Variants in LEMD2 observed in about 807,000 individuals in gnomAD.
The protein encoded by LEMD2 is LEM domain nuclear envelope protein 2, also known as LEM domain-containing protein 2.
In LEMD2, 34 loss-of-function variants were observed where a neutral mutation model predicts 58.8. The observed-to-expected ratio is 0.58, with a 90% CI of 0.44 to 0.77. The LOEUF (loss-of-function observed/expected upper bound fraction) is 0.77, where lower values mean the gene tolerates loss of function less well. LEMD2 is among the 30% of genes least tolerant of loss of function. The probability of loss-of-function intolerance (pLI) is 0.00; values close to 1 mark genes in which losing one functional copy is unlikely to be tolerated. For synonymous variants in LEMD2, 298 were observed against 308.9 expected (o/e 0.96, Z 0.37); for missense variants, 629 against 717.9 (o/e 0.88, Z 1.42).
rs1216150859 is a variant in LEMD2 at position 33,772,738 on chromosome 6, G to A, written c.1402C>T (p.Leu468=). The A allele has an allele frequency of 5.0e-6, 8 of 1,613,978 alleles. No individual in the cohort carries two copies. The African/African-American group carries it at 6.7e-5, about 13-fold the overall frequency. The part of the protein sequence containing the change: ...KRVWDRAVEF[L]ASNESRIQTE... ...TGGATCCGGGATTCGTTGGAGGCCA[G>A]GAACTCCACAGCTCGGTCCCAGACA... The change falls in exon 9 of 9, where the codon CTG becomes TTG. Residue 468 remains leucine (L), a synonymous_variant. Transcript: ENST00000293760.
At position 33,788,620 on chromosome 6, in the gene LEMD2, G is replaced by A. The variant is rs532682101; in HGVS notation, c.497C>T (p.Ser166Phe). 1.6e-6 allele frequency: 2 copies of A among 1,274,508 alleles called. No individual in the cohort carries two copies. The highest frequency in any genetic ancestry group is 2.8e-5 in the South Asian group (1 of 36,318). 78.9% of individuals were successfully genotyped at this position (1,274,508 alleles called of 1,614,324 possible). ...GLAARRWWAA[S>F]PAPARLPSSL... is the part of the protein sequence containing the mutation. ...GGAAGGCAGCCGCGCCGGGGCGGGA[G>A]ACGCTGCCCACCAGCGGCGGGCCGC... Residue 166 changes from serine to phenylalanine, a missense_variant, in exon 1 of 9, where the codon TCT (serine) becomes TTT (phenylalanine). Ser to Phe is a radical substitution (Grantham distance 155, BLOSUM62 -2). Transcript: ENST00000293760.
At chr6:33,776,909 G>T (rs377523325) in intron 8 of LEMD2, 45 bp downstream of exon 8, 3 of 1,483,792 alleles carry the variant, frequency 2.0e-6, no homozygotes, top group East Asian at 2.3e-5. Flanking sequence ...CAGTGGGGTC[G>T]GACCCCATCT....
At position 33,789,121 on chromosome 6, in the gene LEMD2, A is replaced by G. The variant is rs781777260; in HGVS notation, c.-5T>C. The G allele has an allele frequency of 4.0e-6, 6 of 1,510,878 alleles. No individual in the cohort carries two copies. In the African/African-American group the frequency reaches 4.3e-5, roughly 11 times the overall value. 93.6% of individuals were successfully genotyped at this position (1,510,878 alleles called of 1,614,324 possible). On this transcript the variant is annotated 5_prime_UTR_variant, in exon 1 of 9. Coordinates refer to ENST00000293760, the MANE Select transcript of LEMD2 (RefSeq NM_181336.4). ...CAGGTCCGACAGGCCGGCCATGGCCAGGACGCCGCCCCCCGCCCGCCCCTG... is the reference window on the plus strand; with the variant it reads ...CAGGTCCGACAGGCCGGCCATGGCCGGGACGCCGCCCCCCGCCCGCCCCTG...
intron 2 of LEMD2, among the ~76,000 whole-genome samples, chr6:33,785,265 C>T (rs1179346421): frequency 6.6e-6 from 1 of 152,214 alleles, no homozygotes; most frequent in East Asian, 1.9e-4. Flanking sequence ...TTCCTGTGTC[C>T]ACCCTCCAGA....
chr6:33,784,460 AG>A, intron 2 of LEMD2, 33 bp from the exon 3 acceptor site: 1 of 33,278 alleles, frequency 3.0e-5, no homozygotes, highest in Non-Finnish European at 5.8e-5. Flanking sequence ...GTCAGCAAGG[AG>A]GGGTGGGTGG....
rs1430360931 is a variant in LEMD2 at position 33,772,603 on chromosome 6, C to G, written c.*25G>C. The G allele has an allele frequency of 6.2e-7, 1 of 1,605,090 alleles. No homozygotes were observed. Among genetic ancestry groups the G allele is most frequent in the East Asian group, 2.2e-5 (1 of 44,798 alleles). On this transcript the variant is annotated 3_prime_UTR_variant, in exon 9 of 9. Transcript: ENST00000293760. ...AGTGGGCTGTCCTGGGACAGGCTGA[C>G]CGGGAACAAGTCCCCGCCCGGGGCT...
chr6:33,779,572 T>TA (rs1340087902), intron 5 of LEMD2: 3 of 152,642 alleles, frequency 2.0e-5, no homozygotes, highest in Non-Finnish European at 1.5e-5. Context: ...AGCCGCCAGA[T>TA]ACAGCCTTTC....
chr6:33,788,723 G>T lies in LEMD2; in HGVS notation c.394C>A (p.Arg132Ser). 7.0e-7 allele frequency: 1 copy of T among 1,424,742 alleles called. No individual in the cohort carries two copies. Among genetic ancestry groups the T allele is most frequent in the Non-Finnish European group, 9.2e-7 (1 of 1,089,810 alleles). The allele number at this position is 1,424,742 out of a possible 1,614,324, so 88.3% of individuals were successfully genotyped here. A position where few individuals can be genotyped will look rare whatever the true frequency, so the allele number is the denominator to read the frequency against. The change falls in exon 1 of 9, where the codon CGC becomes AGC. Residue 132 changes from arginine to serine, a missense_variant. Transcript: ENST00000293760. The stretch of plus-strand genomic sequence containing the variant: ...TCGGAGCTGCCCCGGACCGAGGCGC[G>T]GCGCCTGAGTTGCGCCGGGCGGGCA... ...YPARPAQLRR[R>S]ASVRGSSEED...
At chr6:33,777,630 G>C (rs1218522112) in intron 6 of LEMD2, among the ~76,000 whole-genome samples, 1 of 152,198 alleles carries the variant, frequency 6.6e-6, no homozygotes, top group African/African-American at 2.4e-5. Context: ...GATGGCACAG[G>C]GGAGGGAGCT....
At chr6:33,772,864 C>T in intron 8 of LEMD2, 86 bp from the exon 9 acceptor site, 1 of 1,248,372 alleles carries the variant, frequency 8.0e-7, no homozygotes, top group Admixed American at 2.3e-5. Context: ...CACACATTTC[C>T]AGGCTCTGGC....
At chr6:33,774,988 G>GAATGAATC (rs1479588171) in intron 8 of LEMD2, among the ~76,000 whole-genome samples, 2 of 152,114 alleles carry the variant, frequency 1.3e-5, no homozygotes, top group Non-Finnish European at 2.9e-5. Context: ...ATGAATGAAT[G>GAATGAATC]AATGAATGAT....
chr6:33,772,940 G>A (rs1018927826), intron 8 of LEMD2, among the ~76,000 whole-genome samples, 162 bp from the exon 9 acceptor site: 1 of 152,212 alleles, frequency 6.6e-6, no homozygotes, highest in African/African-American at 2.4e-5. Context: ...GGAGAAAAAC[G>A]TCTTGGGCCA....
chr6:33,777,124 AGGG>A lies in LEMD2; in HGVS notation c.1258+11_1258+13del, dbSNP rs753449493. On this transcript the variant is annotated intron_variant, in intron 7 of 8. Coordinates refer to ENST00000293760, the MANE Select transcript of LEMD2 (RefSeq NM_181336.4). ...TGGCGTCGGCAACCCTTTATTCACC[AGGG>A]GGCCACGCACCTATAATCTTCTTCA... 8.1e-6 allele frequency: 13 copies of A among 1,611,984 alleles called. No homozygotes were observed. The highest frequency in any genetic ancestry group is 9.3e-6 in the Non-Finnish European group (11 of 1,178,002).
chr6:33,780,236 T>A, intron 4 of LEMD2, 57 bp from the exon 5 acceptor site: 2 of 1,420,192 alleles, frequency 1.4e-6, no homozygotes, highest in Non-Finnish European at 1.9e-6. Flanking sequence ...AGCTGGAACA[T>A]TATTCTGCTG....
At chr6:33,786,845 CACA>C (rs1767688736) in intron 1 of LEMD2, 71 bp from the exon 2 acceptor site, 3 of 1,598,674 alleles carry the variant, frequency 1.9e-6, no homozygotes, top group Non-Finnish European at 2.6e-6. Context: ...AGAGACTACT[CACA>C]ACATTTGGAG....
intron 8 of LEMD2, 85 bp downstream of exon 8, chr6:33,776,869 G>T: frequency 9.1e-7 from 1 of 1,103,778 alleles, no homozygotes; most frequent in Non-Finnish European, 1.4e-6. Flanking sequence ...GACATCTGAT[G>T]CAAGGCTCTG....
In LEMD2 at chr6:33,773,269, G is replaced by A. The variant is rs55820672; in HGVS notation, c.1362-491C>T. On this transcript the variant is annotated intron_variant, in intron 8 of 8. Coordinates refer to ENST00000293760, the MANE Select transcript of LEMD2 (RefSeq NM_181336.4). ...AGGCCAAGAAGCTGGAGCTGCTCTA[G>A]GGAACCAGAGCCACAACGGAGGGCC... Among the ~76,000 whole-genome samples, 1,024 of 152,268 alleles carry A rather than the reference G, an allele frequency of 6.7e-3. 7 individuals are homozygous for A. Among genetic ancestry groups the A allele is most frequent in the Middle Eastern group, 0.02 (6 of 294 alleles).
intron 4 of LEMD2, 132 bp from the exon 5 acceptor site, chr6:33,780,311 A>G (rs1767536800): frequency 2.5e-6 from 2 of 785,964 alleles, no homozygotes; most frequent in East Asian, 2.7e-5. Context: ...CTAAAAGCAC[A>G]GCAAAGTGGC....
At position 33,777,036 on chromosome 6, in the gene LEMD2, C is replaced by T. The variant is rs1350464903; in HGVS notation, c.1279G>A (p.Val427Met). 17 of 1,614,020 alleles carry T rather than the reference C, an allele frequency of 1.1e-5. No individual in the cohort carries two copies. Among genetic ancestry groups the T allele is most frequent in the Non-Finnish European group, 1.3e-5 (15 of 1,179,966 alleles). Residue 427 changes from valine (V) to methionine (M), a missense_variant, in exon 8 of 9, where the codon GTG becomes ATG. Around this residue, in one of 2 missense-constraint regions of LEMD2, gnomAD observed 243 missense variants for 336.8 expected, o/e 0.72. Coordinates refer to ENST00000293760, the MANE Select transcript of LEMD2 (RefSeq NM_181336.4). ...KIIDVVQDHY[V>M]DWEQDMERYP... ...CGCTCCATGTCCTGCTCCCAGTCCA[C>T]GTAATGGTCCTGGACCACGTCTGCA...
Sources: gnomAD v4.1 joint callset for allele counts (sites outside exome capture counted in the v4.1 genomes callset) on GRCh38, gnomAD v4.1.1 for gene constraint, gnomAD v4.1.1 regional missense constraint, MANE v1.5 for transcripts, NCBI Gene and HGNC (gene_info 2026-07-23, HGNC 2026-07-21) for gene names.